The following KIF16B variants were observed in gnomAD, a reference collection of about 807,000 sequenced individuals.
KIF16B encodes the protein kinesin family member 16B.
Under a neutral mutation model 156.3 loss-of-function variants are expected in KIF16B, and 98 were observed. The ratio of observed to expected loss-of-function variants is 0.63; its 90% CI spans 0.53 to 0.74. The LOEUF (loss-of-function observed/expected upper bound fraction) is 0.74, where lower values mean the gene tolerates loss of function less well. Among genes scored for constraint, KIF16B ranks in the 30% least tolerant of loss-of-function variants. The pLI, the probability that KIF16B is intolerant of heterozygous loss-of-function variation, is 0.00. For missense variants in KIF16B, 1,421 were observed against 1,606.5 expected (o/e 0.88, Z 1.97); for synonymous variants, 564 against 583.7 (o/e 0.97, Z 0.49).
chr20:16,438,985 C>G (rs1407776374), intron 12 of KIF16B, among the ~76,000 whole-genome samples: 1 of 152,122 alleles, frequency 6.6e-6, no homozygotes, highest in Non-Finnish European at 1.5e-5. Flanking sequence ...AAGGAGCGGT[C>G]TGTGAACGTT....
chr20:16,429,991 A>G lies in KIF16B; in HGVS notation c.1303-9T>C, dbSNP rs374083100. 6.3e-7 allele frequency: 1 copy of G among 1,594,504 alleles called. No individual in the cohort carries two copies. The highest frequency in any genetic ancestry group is 8.5e-7 in the Non-Finnish European group (1 of 1,174,504). On this transcript the variant is annotated splice_polypyrimidine_tract_variant and intron_variant, in intron 12 of 25. Transcript: ENST00000354981. ...AGGGCTAGAGTTTGTTCCTGAAATT[A>G]AGAGGAAAAGAAAAAGAAAAGGTTA...
intron 20 of KIF16B, among the ~76,000 whole-genome samples, chr20:16,373,266 CT>C (rs745994346): frequency 1.2e-4 from 18 of 152,212 alleles, no homozygotes; most frequent in African/African-American, 3.9e-4. Flanking sequence ...TTTATCACCC[CT>C]GATAGTCACT....
At chr20:16,352,030 T>C (rs7266663) in intron 23 of KIF16B, among the ~76,000 whole-genome samples, 6,370 of 152,286 alleles carry the variant, frequency 0.042, 169 homozygotes, top group Middle Eastern at 0.061. Context: ...TAAATGCCGT[T>C]GGATCCCCTC....
chr20:16,380,354 C>T (rs779084418), intron 18 of KIF16B, among the ~76,000 whole-genome samples, 191 bp from the exon 19 acceptor site: 3 of 151,972 alleles, frequency 2.0e-5, no homozygotes, highest in Admixed American at 6.5e-5. Context: ...TTTAACTGTC[C>T]AACATATCAC....
chr20:16,416,156 G>C (rs944893184), intron 15 of KIF16B, among the ~76,000 whole-genome samples: 1 of 152,112 alleles, frequency 6.6e-6, no homozygotes, highest in South Asian at 2.1e-4. Context: ...CCATTCTGTA[G>C]GTTGTCTGTT....
intron 25 of KIF16B, among the ~76,000 whole-genome samples, chr20:16,308,425 G>A (rs1295073763): frequency 6.6e-6 from 1 of 152,186 alleles, no homozygotes; most frequent in Non-Finnish European, 1.5e-5. Context: ...ACTGGGAGGT[G>A]ACTTTTTTCA....
chr20:16,392,615 C>A (rs1209222569), intron 17 of KIF16B, among the ~76,000 whole-genome samples: 2 of 152,180 alleles, frequency 1.3e-5, no homozygotes, highest in Non-Finnish European at 2.9e-5. Context: ...GACAACATGC[C>A]GATACGCCTA....
rs145872051 is a variant in KIF16B, at chr20:16,424,881, T to G, written c.1612+2223A>C. Among the ~76,000 whole-genome samples the G allele has an allele frequency of 8.9e-3, 1,356 of 152,244 alleles. 14 individuals carry two copies. The highest frequency in any genetic ancestry group is 0.016 in the South Asian group (79 of 4,832). ...AGGAGCTAGGAATAAGTGAGAAAAC[T>G]ACAATTAACCCTATGGTATTGGGTT... On this transcript the variant is annotated intron_variant, in intron 15 of 25. Transcript: ENST00000354981.
intron 17 of KIF16B, among the ~76,000 whole-genome samples, chr20:16,402,995 G>C (rs188808025): frequency 5.9e-5 from 9 of 152,292 alleles, no homozygotes; most frequent in Admixed American, 5.9e-4. Context: ...AGGCAAAGAG[G>C]GGCCCATGGC....
chr20:16,517,379 C>T (rs1030418797), intron 3 of KIF16B, among the ~76,000 whole-genome samples: 8 of 152,232 alleles, frequency 5.3e-5, no homozygotes, highest in Non-Finnish European at 8.8e-5. Context: ...TTACTCAAGT[C>T]TCAACCATAA....
At chr20:16,473,819 A>G (rs1424062565) in intron 12 of KIF16B, among the ~76,000 whole-genome samples, 1 of 152,216 alleles carries the variant, frequency 6.6e-6, no homozygotes, top group African/African-American at 2.4e-5. Flanking sequence ...GACACTTCAA[A>G]AGAAATACTG....
intron 23 of KIF16B, among the ~76,000 whole-genome samples, chr20:16,338,091 T>C (rs1447739182): frequency 6.6e-6 from 1 of 152,172 alleles, no homozygotes; most frequent in Non-Finnish European, 1.5e-5. Flanking sequence ...CTTGGGCTCA[T>C]GGGCAATCAT....
In KIF16B at chr20:16,358,691, ACAG is replaced by A. The variant is rs2064493025; in HGVS notation, c.3499-2242_3499-2240del. Among the ~76,000 whole-genome samples, 4 of 152,372 alleles carry A rather than the reference ACAG, an allele frequency of 2.6e-5. No individual in the cohort carries two copies. The South Asian group carries it at 8.3e-4, about 32-fold the overall frequency. On this transcript the variant is annotated intron_variant, in intron 22 of 25. Coordinates refer to ENST00000354981, the MANE Select transcript of KIF16B (RefSeq NM_024704.5). ...GACTCTTACAAGTGAACTGGTAATC[ACAG>A]CAGGATTAGAAAGTTGTGATGGGGG...
intron 12 of KIF16B, among the ~76,000 whole-genome samples, chr20:16,493,596 T>C (rs966405145): frequency 6.6e-6 from 1 of 152,192 alleles, no homozygotes; most frequent in African/African-American, 2.4e-5. Context: ...GTGCACAAAG[T>C]CAGCCAGATA....
intron 25 of KIF16B, among the ~76,000 whole-genome samples, chr20:16,277,546 C>A (rs1051494059): frequency 3.3e-5 from 5 of 151,356 alleles, no homozygotes; most frequent in Admixed American, 6.6e-5. Context: ...ATTGCCTGTG[C>A]TCACAATGTT....
At chr20:16,562,781 C>G (rs2071113217) in intron 1 of KIF16B, among the ~76,000 whole-genome samples, 1 of 152,148 alleles carries the variant, frequency 6.6e-6, no homozygotes, top group African/African-American at 2.4e-5. Context: ...AGCCAGAAAA[C>G]CAGAGTGAGG....
intron 1 of KIF16B, among the ~76,000 whole-genome samples, chr20:16,557,842 G>C (rs1192900720): frequency 6.6e-6 from 1 of 152,152 alleles, no homozygotes; most frequent in African/African-American, 2.4e-5. Context: ...AACAGTACGG[G>C]TTCCCATTTT....
In KIF16B at chr20:16,476,381, A is replaced by C. The variant is rs199917209; in HGVS notation, c.1302+17910T>G. ...CACATTTGTTTTGTTAAAGTGAAGA[A>C]ATCATTTTGTTCTCCAATAGTTTTG... On this transcript the variant is annotated intron_variant, in intron 12 of 25. Transcript: ENST00000354981. Among the ~76,000 whole-genome samples, 12 of 152,350 alleles carry C rather than the reference A, an allele frequency of 7.9e-5. No homozygotes were observed. In the East Asian group the frequency reaches 2.3e-3, roughly 29 times the overall value.
chr20:16,502,419 G>T (rs2068652355), intron 10 of KIF16B, among the ~76,000 whole-genome samples: 1 of 152,052 alleles, frequency 6.6e-6, no homozygotes, highest in African/African-American at 2.4e-5. Flanking sequence ...ACAATTTACA[G>T]CTTCATAGCA....
Sources: gnomAD v4.1 joint callset for allele counts (sites outside exome capture counted in the v4.1 genomes callset) on GRCh38, gnomAD v4.1.1 for gene constraint, MANE v1.5 for transcripts, NCBI Gene and HGNC (gene_info 2026-07-23, HGNC 2026-07-21) for gene names.